MTFR2: variants seen among roughly 807,000 people sequenced by gnomAD.
The protein encoded by MTFR2 is mitochondrial fission regulator 2.
A neutral mutation model predicts 41.2 loss-of-function variants in MTFR2; 44 were observed. The ratio of observed to expected loss-of-function variants is 1.07; its 90% CI spans 0.84 to 1.37. The LOEUF is 1.37. Among genes scored for constraint, MTFR2 ranks in the 40% most tolerant of loss-of-function variants. The probability of loss-of-function intolerance (pLI) is 0.00; values close to 1 mark genes in which losing one functional copy is unlikely to be tolerated. For missense variants in MTFR2, 452 were observed against 459.5 expected (o/e 0.98, Z 0.15); for synonymous variants, 141 against 154.6 (o/e 0.91, Z 0.65).
chr6:136,242,106 A>C (rs6921900), intron 4 of MTFR2, among the ~76,000 whole-genome samples: 5,529 of 147,858 alleles, frequency 0.037, 434 homozygotes, highest in African/African-American at 0.13. Context: ...AAAAAAAAAA[A>C]AACCTACTCT....
intron 2 of MTFR2, chr6:136,247,542 A>G (rs1473434067): frequency 2.2e-6 from 1 of 456,208 alleles, no homozygotes; most frequent in South Asian, 1.5e-5. Flanking sequence ...GATGACAAAT[A>G]TGCTGAAGTT....
At chr6:136,246,161 T>C (rs1780206854) in intron 2 of MTFR2, among the ~76,000 whole-genome samples, 1 of 152,222 alleles carries the variant, frequency 6.6e-6, no homozygotes, top group Non-Finnish European at 1.5e-5. Context: ...AGTTCTTAGT[T>C]AATTTAAATG....
intron 3 of MTFR2, among the ~76,000 whole-genome samples, chr6:136,244,132 T>C (rs2128459033): frequency 6.6e-6 from 1 of 152,274 alleles, no homozygotes; most frequent in East Asian, 1.9e-4. Context: ...TAATGTATTA[T>C]TGAAGAAAGG....
chr6:136,242,862 G>A lies in MTFR2; in HGVS notation c.280C>T (p.Arg94Ter), dbSNP rs201167393. ...CCCAAGATAAGCATATAAAATTACC[G>A]AAATCTGAGATAACTGGCTTCTTCA... is the stretch of plus-strand genomic sequence containing the variant. ...NDEEASYLRFRNSIWKNEEEK... is the reference protein window; with the variant it reads ...NDEEASYLRF The change falls in exon 4 of 8, where the codon CGA (arginine) becomes TGA (stop). Residue 94 changes from arginine to a stop codon, truncating the protein, a stop_gained and splice_region_variant. Coordinates refer to ENST00000420702, the MANE Select transcript of MTFR2 (RefSeq NM_001099286.3). LOFTEE classifies it high-confidence loss of function. 94 of 1,608,008 alleles carry A rather than the reference G, an allele frequency of 5.8e-5. No individual in the cohort carries two copies. The highest frequency in any genetic ancestry group is 6.7e-5 in the African/African-American group (5 of 74,492).
intron 2 of MTFR2, chr6:136,247,536 A>T (rs545425220): frequency 1.3e-5 from 6 of 456,222 alleles, no homozygotes; most frequent in South Asian, 9.3e-5. Context: ...CAGAGTGATG[A>T]CAAATATGCT....
chr6:136,234,598 G>A (rs563692332), intron 6 of MTFR2, among the ~76,000 whole-genome samples: 37 of 152,294 alleles, frequency 2.4e-4, no homozygotes, highest in South Asian at 1.2e-3. Flanking sequence ...GGCTCCTGGA[G>A]GGGCCTACGG....
In MTFR2 at chr6:136,244,777, T is replaced by C; in HGVS notation, c.156A>G (p.Arg52=). 6.2e-7 allele frequency: 1 copy of C among 1,610,538 alleles called. No individual in the cohort carries two copies. ...TTGACTGACTTACCTCAAAATTAGG[T>C]CTTCGACAAGGTTCCAGTGGAAGCA... The part of the protein sequence containing the change: ...GKMLPLEPCR[R]PNFELIPLLN... Residue 52 remains arginine, a synonymous_variant, in exon 3 of 8, where the codon AGA becomes AGG. Coordinates refer to ENST00000420702, the MANE Select transcript of MTFR2 (RefSeq NM_001099286.3).
intron 2 of MTFR2, among the ~76,000 whole-genome samples, chr6:136,245,766 A>T (rs572857567): frequency 2.0e-5 from 3 of 152,190 alleles, no homozygotes; most frequent in African/African-American, 7.2e-5. Context: ...CACTCAAGAC[A>T]TTTGGGATTT....
At chr6:136,234,042 A>C (rs1779839161) in intron 6 of MTFR2, among the ~76,000 whole-genome samples, 1 of 152,122 alleles carries the variant, frequency 6.6e-6, no homozygotes, top group Non-Finnish European at 1.5e-5. Flanking sequence ...TGAATAAAAC[A>C]AAACAGAGGC....
intron 2 of MTFR2, among the ~76,000 whole-genome samples, chr6:136,245,588 T>TTAAA (rs1562213932): frequency 6.6e-6 from 1 of 152,190 alleles, no homozygotes; most frequent in East Asian, 1.9e-4. Flanking sequence ...TAGCCACCTA[T>TTAAA]TAGCATCCTC....
rs780242606 is a variant in MTFR2, at chr6:136,240,961, G to A, written c.514+483C>T. Reference sequence around the variant, plus strand: ...AAAAAATTAGCCGAGCGTGGTGGCGGGCGCCTGTAGTCCCAGCTACTCGAG... The same window carrying A: ...AAAAAATTAGCCGAGCGTGGTGGCGAGCGCCTGTAGTCCCAGCTACTCGAG... On this transcript the variant is annotated intron_variant, in intron 5 of 7. Coordinates refer to ENST00000420702, the MANE Select transcript of MTFR2 (RefSeq NM_001099286.3). Among the ~76,000 whole-genome samples the A allele has an allele frequency of 1.7e-4, 26 of 152,216 alleles. 1 individual carries two copies. Among genetic ancestry groups the A allele is most frequent in the Middle Eastern group, 3.4e-3 (1 of 294 alleles).
chr6:136,231,182 C>A lies in MTFR2; in HGVS notation c.*93G>T. 1 of 801,712 alleles carries A rather than the reference C, an allele frequency of 1.2e-6. No individual in the cohort carries two copies. The highest frequency in any genetic ancestry group is 2.0e-6 in the Non-Finnish European group (1 of 496,350). 49.7% of individuals were successfully genotyped at this position (801,712 alleles called of 1,614,324 possible). A position where few individuals can be genotyped will look rare whatever the true frequency, so the allele number is the denominator to read the frequency against. ...CAAGAAGAGTCTTTAAATACATCTA[C>A]TTTTAGCCTTTAACAGTCCAAATCA... On this transcript the variant is annotated 3_prime_UTR_variant, in exon 8 of 8. Coordinates refer to ENST00000420702, the MANE Select transcript of MTFR2 (RefSeq NM_001099286.3).
intron 7 of MTFR2, among the ~76,000 whole-genome samples, chr6:136,231,914 A>G (rs781145329): frequency 6.6e-6 from 1 of 152,114 alleles, no homozygotes; most frequent in Non-Finnish European, 1.5e-5. Flanking sequence ...TGCCCCTTAG[A>G]TATGGGATTA....
intron 2 of MTFR2, among the ~76,000 whole-genome samples, chr6:136,245,733 T>C (rs1409455357): frequency 1.3e-5 from 2 of 152,236 alleles, no homozygotes; most frequent in African/African-American, 4.8e-5. Flanking sequence ...GTGTAAAATT[T>C]TCCCATTGTG....
chr6:136,244,011 A>G (rs1196662438), intron 3 of MTFR2, among the ~76,000 whole-genome samples: 5 of 152,182 alleles, frequency 3.3e-5, no homozygotes, highest in African/African-American at 9.6e-5. Flanking sequence ...GGATATAAAA[A>G]TATTTTGTAT....
intron 7 of MTFR2, among the ~76,000 whole-genome samples, chr6:136,232,965 C>T (rs894192815): frequency 6.6e-6 from 1 of 152,158 alleles, no homozygotes; most frequent in African/African-American, 2.4e-5. Flanking sequence ...TATTCACATT[C>T]CATATGGTTA....
chr6:136,233,419 A>C lies in MTFR2; in HGVS notation c.950T>G (p.Leu317Arg). 6.2e-7 allele frequency: 1 copy of C among 1,608,146 alleles called. No individual in the cohort carries two copies. The highest frequency in any genetic ancestry group is 8.5e-7 in the Non-Finnish European group (1 of 1,176,078). ...WDPVSLISHA[L>R]KQKFAFQEDD... ...TTCTTGAAATGCAAATTTCTGTTTA[A>C]GTGCATGAGATATTAAAGAAACTGG... The change falls in exon 7 of 8, where the codon CTT becomes CGT. Residue 317 changes from leucine (L) to arginine (R), a missense_variant. Physicochemically the swap from Leu to Arg is moderately radical, Grantham distance 102. Transcript: ENST00000420702.
At chr6:136,232,030 G>A (rs1779772436) in intron 7 of MTFR2, among the ~76,000 whole-genome samples, 1 of 152,114 alleles carries the variant, frequency 6.6e-6, no homozygotes, top group South Asian at 2.1e-4. Flanking sequence ...GTTACAAACT[G>A]CTCTACAAAT....
intron 2 of MTFR2, among the ~76,000 whole-genome samples, chr6:136,245,437 T>C (rs549204225): frequency 6.6e-6 from 1 of 152,326 alleles, no homozygotes; most frequent in African/African-American, 2.4e-5. Context: ...TGTGCTACTA[T>C]AGCTCAAATA....
Sources: allele counts gnomAD v4.1 joint callset (sites outside exome capture counted in the v4.1 genomes callset), GRCh38; gene constraint gnomAD v4.1.1; transcripts MANE v1.5; gene names NCBI Gene and HGNC (gene_info 2026-07-23, HGNC 2026-07-21).